The following SUMF1 variants were observed in gnomAD, a reference collection of about 807,000 sequenced individuals.
SUMF1 encodes sulfatase modifying factor 1.
SUMF1 carries 48 observed loss-of-function variants against 47.6 expected under a neutral mutation model. The ratio of observed to expected loss-of-function variants is 1.01; its 90% CI spans 0.80 to 1.28. SUMF1 has a LOEUF of 1.28. SUMF1 is among the 50% of genes most tolerant of loss of function. The probability of loss-of-function intolerance (pLI) is 0.00; values close to 1 mark genes in which losing one functional copy is unlikely to be tolerated. For synonymous variants in SUMF1, 230 were observed against 192.1 expected, an observed-to-expected ratio of 1.20 and a Z score of -1.63; for missense variants, 571 against 485.4, an observed-to-expected ratio of 1.18 and a Z score of -1.66.
At chr3:4,217,271 A>G (rs910580467) in intron 8 of SUMF1, among the ~76,000 whole-genome samples, 6 of 150,848 alleles carry the variant, frequency 4.0e-5, no homozygotes, top group African/African-American at 1.2e-4. Flanking sequence ...AGAACAGAAA[A>G]CCAAACACCA....
chr3:4,281,200 C>T (rs1486574962), intron 8 of SUMF1, among the ~76,000 whole-genome samples: 1 of 152,052 alleles, frequency 6.6e-6, no homozygotes, highest in Non-Finnish European at 1.5e-5. Context: ...CTCCTCTGTG[C>T]AGCTGATACA....
chr3:4,327,386 C>G (rs1267473703), intron 8 of SUMF1, among the ~76,000 whole-genome samples: 1 of 151,856 alleles, frequency 6.6e-6, no homozygotes, highest in Non-Finnish European at 1.5e-5. Context: ...ATAAATTTCC[C>G]AAAAAAAGCA....
chr3:4,303,829 G>A, intron 8 of SUMF1: 2 of 1,359,830 alleles, frequency 1.5e-6, no homozygotes, highest in Non-Finnish European at 1.9e-6. Flanking sequence ...GCATCACGGG[G>A]GGAGTCATTT....
intron 8 of SUMF1, among the ~76,000 whole-genome samples, chr3:4,147,895 A>G (rs1370156039): frequency 6.6e-6 from 1 of 152,150 alleles, no homozygotes; most frequent in East Asian, 1.9e-4. Context: ...TCTAAATATG[A>G]TGGCTCAGCA....
At chr3:4,186,345 T>C (rs559417160) in intron 8 of SUMF1, among the ~76,000 whole-genome samples, 29 of 152,270 alleles carry the variant, frequency 1.9e-4, no homozygotes, top group African/African-American at 6.7e-4. Flanking sequence ...CCCATGTCGG[T>C]TGCTATGGTA....
chr3:4,049,789 G>A (rs1695072443), intron 9 of SUMF1, among the ~76,000 whole-genome samples: 4 of 152,114 alleles, frequency 2.6e-5, no homozygotes, highest in South Asian at 2.1e-4. Context: ...ACAGCTTTCT[G>A]TACCCAAGCT....
chr3:4,296,119 T>A (rs4462954), intron 8 of SUMF1, among the ~76,000 whole-genome samples: 64,041 of 130,106 alleles, frequency 0.49, 14,042 homozygotes, highest in East Asian at 0.65. Context: ...TTTGCTTTTT[T>A]AAAAAAAAAA....
intron 8 of SUMF1, among the ~76,000 whole-genome samples, chr3:4,192,862 G>A (rs1028674217): frequency 2.0e-5 from 3 of 152,122 alleles, no homozygotes; most frequent in African/African-American, 7.2e-5. Context: ...AAGCTTCATG[G>A]TTGGTGGATA....
intron 8 of SUMF1, among the ~76,000 whole-genome samples, chr3:4,108,112 T>C (rs1262071822): frequency 6.6e-6 from 1 of 152,114 alleles, no homozygotes; most frequent in East Asian, 1.9e-4. Flanking sequence ...GAGAGATGAT[T>C]CTGGTATGTT....
intron 8 of SUMF1, among the ~76,000 whole-genome samples, chr3:4,371,518 T>C (rs1687897): frequency 0.69 from 104,152 of 152,028 alleles, 36,827 homozygotes; most frequent in East Asian, 0.79. Context: ...TTATAGAGAA[T>C]GCCACAACAG....
Position 4,276,842 on chromosome 3 carries a change from A to G in SUMF1, c.1014+99488T>C, listed in dbSNP as rs1405890850. Reference sequence around the variant, plus strand: ...CATTTTATTATTAGTCATTTAAACCATAATTTTGTAAAATACAGCAATGTT... The same window carrying G: ...CATTTTATTATTAGTCATTTAAACCGTAATTTTGTAAAATACAGCAATGTT... On this transcript the variant is annotated intron_variant and NMD_transcript_variant, in intron 8 of 12. Coordinates refer to the SUMF1 transcript ENST00000448413. Among the ~76,000 whole-genome samples the G allele has an allele frequency of 2.0e-5, 3 of 152,270 alleles. No individual in the cohort carries two copies. In the East Asian group the frequency reaches 5.8e-4, roughly 29 times the overall value.
chr3:4,075,156 G>C (rs1692392223), intron 8 of SUMF1, among the ~76,000 whole-genome samples: 1 of 151,936 alleles, frequency 6.6e-6, no homozygotes, highest in Non-Finnish European at 1.5e-5. Flanking sequence ...CACCAAGTCG[G>C]CTTCATCCCT....
rs200728776 is a variant in SUMF1 at position 4,456,716 on chromosome 3, A to ATGTGTGTG, written c.271-3668_271-3667insCACACACA. On this transcript the variant is annotated intron_variant, in intron 1 of 8. Coordinates refer to ENST00000272902, the MANE Select transcript of SUMF1 (RefSeq NM_182760.4). ...TGTATATATATATACGTATATATAT[A>ATGTGTGTG]CATATATATACGTGTGTATATATAC... Among the ~76,000 whole-genome samples, 167 of 133,218 alleles carry ATGTGTGTG rather than the reference A, an allele frequency of 1.3e-3. 7 individuals carry two copies. The highest frequency in any genetic ancestry group is 7.9e-3 in the Middle Eastern group (2 of 252). 87.4% of individuals were successfully genotyped at this position (133,218 alleles called of 152,430 possible). A position where few individuals can be genotyped will look rare whatever the true frequency, so the allele number is the denominator to read the frequency against.
At chr3:4,442,102 A>G (rs1702610163) in intron 3 of SUMF1, among the ~76,000 whole-genome samples, 1 of 152,210 alleles carries the variant, frequency 6.6e-6, no homozygotes, top group African/African-American at 2.4e-5. Context: ...GAAAATCCCA[A>G]AAGAGCCAAC....
At chr3:4,226,260 GT>G (rs1559587286) in intron 8 of SUMF1, among the ~76,000 whole-genome samples, 3 of 110,718 alleles carry the variant, frequency 2.7e-5, no homozygotes, top group Admixed American at 9.4e-5. Context: ...TTTTTTTTTT[GT>G]TTCTTTTTTT....
intron 9 of SUMF1, among the ~76,000 whole-genome samples, chr3:4,042,851 A>G (rs968467669): frequency 6.6e-6 from 1 of 152,104 alleles, no homozygotes; most frequent in African/African-American, 2.4e-5. Flanking sequence ...CTATTTGCTT[A>G]AAGTCCCTCA....
intron 8 of SUMF1, among the ~76,000 whole-genome samples, chr3:4,125,992 G>A (rs2125082174): frequency 6.6e-6 from 1 of 151,958 alleles, no homozygotes; most frequent in East Asian, 1.9e-4. Context: ...TTATTATTAA[G>A]CCCATGCTAG....
At chr3:4,344,031 ATT>A (rs1699323826) in intron 8 of SUMF1, among the ~76,000 whole-genome samples, 1 of 152,258 alleles carries the variant, frequency 6.6e-6, no homozygotes, top group Admixed American at 6.5e-5. Context: ...GTATGACTCA[ATT>A]TTGTTTTATA....
chr3:4,334,300 G>A (rs1050950729), intron 8 of SUMF1, among the ~76,000 whole-genome samples: 4 of 152,102 alleles, frequency 2.6e-5, no homozygotes, highest in Admixed American at 6.5e-5. Context: ...TGGGACAAAC[G>A]GTTGATTTTT....
Sources: gnomAD v4.1 joint callset for allele counts (sites outside exome capture counted in the v4.1 genomes callset) on GRCh38, gnomAD v4.1.1 for gene constraint, MANE v1.5 for transcripts, NCBI Gene and HGNC (gene_info 2026-07-23, HGNC 2026-07-21) for gene names.